SERINC5: variants seen among roughly 807,000 people sequenced by gnomAD.
SERINC5 encodes the protein chromosome 5 open reading frame 12.
Under a neutral mutation model 63.1 loss-of-function variants are expected in SERINC5, and 41 were observed. That is an observed-to-expected ratio of 0.65 (90% CI 0.51 to 0.84). The LOEUF is 0.84. SERINC5 is among the 40% of genes least tolerant of loss of function. SERINC5 has a pLI of 0.00. For synonymous variants in SERINC5, 222 were observed against 215.2 expected, an observed-to-expected ratio of 1.03 and a Z score of -0.28; for missense variants, 523 against 573.0, an observed-to-expected ratio of 0.91 and a Z score of 0.89.
At chr5:80,125,163 T>C (rs1341912061) in intron 11 of SERINC5, among the ~76,000 whole-genome samples, 1 of 152,186 alleles carries the variant, frequency 6.6e-6, no homozygotes, top group African/African-American at 2.4e-5. Context: ...CAATTGTACA[T>C]CACAACCTTA....
intron 9 of SERINC5, among the ~76,000 whole-genome samples, chr5:80,148,420 C>T (rs905722809): frequency 1.3e-5 from 2 of 151,778 alleles, no homozygotes; most frequent in Non-Finnish European, 2.9e-5. Flanking sequence ...GAACTCCAGG[C>T]CTCAGGTGAT....
At chr5:80,203,291 T>C (rs1749972632) in intron 1 of SERINC5, 2 of 171,206 alleles carry the variant, frequency 1.2e-5, no homozygotes, top group African/African-American at 4.9e-5. Flanking sequence ...TATTTATATA[T>C]ATTGAGACAG....
chr5:80,142,857 TG>T lies in SERINC5; in HGVS notation c.*805del. The stretch of plus-strand genomic sequence containing the variant: ...CTCCATTGCTTAGGCAGAGAAAACA[TG>T]AATCTTGTTCTATAATCATGTGAAT... On this transcript the variant is annotated 3_prime_UTR_variant, in exon 12 of 12. Coordinates refer to ENST00000507668, the MANE Select transcript of SERINC5 (RefSeq NM_001174072.3). The T allele has an allele frequency of 6.1e-6, 6 of 985,412 alleles. No homozygotes were observed. Among genetic ancestry groups the T allele is most frequent in the Non-Finnish European group, 7.2e-6 (6 of 829,922 alleles). 61.0% of individuals were successfully genotyped at this position (985,412 alleles called of 1,614,324 possible).
chr5:80,250,748 A>G (rs146096053), intron 1 of SERINC5, among the ~76,000 whole-genome samples: 167 of 152,310 alleles, frequency 1.1e-3, no homozygotes, highest in African/African-American at 4.0e-3. Context: ...CCCTGATAAG[A>G]CCCCTATTCC....
At chr5:80,158,210 A>C (rs1746661698) in intron 8 of SERINC5, 1 of 152,284 alleles carries the variant, frequency 6.6e-6, no homozygotes, top group Non-Finnish European at 1.5e-5. Flanking sequence ...CAACCTTTTA[A>C]ACCTTTTAAA....
rs75153821 is a variant in SERINC5, at chr5:80,212,555, G to C, written c.28-9502C>G. Among the ~76,000 whole-genome samples the C allele has an allele frequency of 4.0e-3, 600 of 151,230 alleles. 6 individuals carry two copies. Among genetic ancestry groups the C allele is most frequent in the African/African-American group, 0.013 (530 of 41,102 alleles). On this transcript the variant is annotated intron_variant, in intron 1 of 11. Coordinates refer to ENST00000507668, the MANE Select transcript of SERINC5 (RefSeq NM_001174072.3). ...GAGAGCAACATTCATTGAAATTCTG[G>C]ACCCAACAACCAACATTGTGTGGCT...
At position 80,232,945 on chromosome 5, in the gene SERINC5, C is replaced by T. The variant is rs572545736; in HGVS notation, c.27+22951G>A. On this transcript the variant is annotated intron_variant, in intron 1 of 11. Transcript: ENST00000507668. ...CCCATAGAGACAGCAAGTAGATTAA[C>T]AATTGCCAGGGCTCTGAGGGAGTTT... 6.8e-4 allele frequency among the ~76,000 whole-genome samples: 104 copies of T among 152,140 alleles called. 1 individual carries two copies. Among genetic ancestry groups the T allele is most frequent in the Non-Finnish European group, 7.3e-4 (50 of 68,036 alleles).
intron 1 of SERINC5, among the ~76,000 whole-genome samples, chr5:80,252,058 CTTT>C (rs3038416): frequency 0.016 from 1,691 of 103,374 alleles, 22 homozygotes; most frequent in African/African-American, 0.047. Context: ...TTTTCTTTTC[CTTT>C]TTTTTTTTTT....
chr5:80,130,474 T>C (rs1175440782), intron 11 of SERINC5, among the ~76,000 whole-genome samples: 1 of 152,214 alleles, frequency 6.6e-6, no homozygotes, highest in African/African-American at 2.4e-5. Context: ...GGCCAAGAGT[T>C]TGAGCCTGGG....
Position 80,138,992 on chromosome 5 carries a change from C to T in SERINC5, c.*4671G>A. The T allele has an allele frequency of 1.0e-6, 1 of 980,720 alleles. No homozygotes were observed. The highest frequency in any genetic ancestry group is 1.2e-6 in the Non-Finnish European group (1 of 825,776). The allele number at this position is 980,720 out of a possible 1,614,324, so 60.8% of individuals were successfully genotyped here. On this transcript the variant is annotated 3_prime_UTR_variant, in exon 12 of 12. Transcript: ENST00000507668. Reference sequence around the variant, plus strand: ...TTCAGATGCTTTCTAGAAAAATTAACATTAAAAAACAAATAGAAATCCATG... The same window carrying T: ...TTCAGATGCTTTCTAGAAAAATTAATATTAAAAAACAAATAGAAATCCATG...
At chr5:80,174,176 C>T (rs1375205135) in intron 5 of SERINC5, among the ~76,000 whole-genome samples, 1 of 151,768 alleles carries the variant, frequency 6.6e-6, no homozygotes, top group African/African-American at 2.4e-5. Flanking sequence ...GCCTGGGCGA[C>T]GTGGCGAAAT....
At chr5:80,230,473 C>T (rs35839767) in intron 1 of SERINC5, among the ~76,000 whole-genome samples, 42,210 of 130,240 alleles carry the variant, frequency 0.32, 6,858 homozygotes, top group Admixed American at 0.4. Context: ...GAAACCATTG[C>T]TCTTCAAATT....
In SERINC5 at chr5:80,229,021, CTTTTTTTTTTTTTTTTT is replaced by C. The variant is rs1166636996; in HGVS notation, c.28-25985_28-25969del. 1.6e-3 allele frequency among the ~76,000 whole-genome samples: 136 copies of C among 86,080 alleles called. 17 individuals carry two copies. Among genetic ancestry groups the C allele is most frequent in the African/African-American group, 5.1e-3 (121 of 23,572 alleles). The allele number at this position is 86,080 out of a possible 152,430, so 56.5% of individuals were successfully genotyped here. On this transcript the variant is annotated intron_variant, in intron 1 of 11. Coordinates refer to ENST00000507668, the MANE Select transcript of SERINC5 (RefSeq NM_001174072.3). The stretch of plus-strand genomic sequence containing the variant: ...AAAATACCACCAATGTTTTACATAC[CTTTTTTTTTTTTTTTTT>C]TTTTTTTTTTTTGGGGATGGAGTTG...
At chr5:80,159,056 G>T in intron 7 of SERINC5, 94 bp from the exon 8 acceptor site, 2 of 1,277,880 alleles carry the variant, frequency 1.6e-6, no homozygotes, top group Non-Finnish European at 1.1e-6. Context: ...GGTAGCTGTG[G>T]TGTACCTCCT....
chr5:80,111,913 G>T (rs1177595534), intron 12 of SERINC5, among the ~76,000 whole-genome samples: 1 of 152,204 alleles, frequency 6.6e-6, no homozygotes, highest in South Asian at 2.1e-4. Flanking sequence ...GGCTGTGCAG[G>T]ATGTGCCTTG....
intron 1 of SERINC5, among the ~76,000 whole-genome samples, chr5:80,249,667 T>A (rs940387733): frequency 3.3e-5 from 5 of 151,948 alleles, no homozygotes; most frequent in African/African-American, 9.7e-5. Flanking sequence ...CTGGGCGTGG[T>A]GGCGGGCACC....
At chr5:80,249,362 A>G (rs115816212) in intron 1 of SERINC5, among the ~76,000 whole-genome samples, 1 of 152,130 alleles carries the variant, frequency 6.6e-6, no homozygotes, top group Non-Finnish European at 1.5e-5. Context: ...GACTATCTAC[A>G]TATGAATGTA....
intron 2 of SERINC5, among the ~76,000 whole-genome samples, chr5:80,202,424 T>A (rs897417701): frequency 6.6e-6 from 1 of 152,002 alleles, no homozygotes; most frequent in Non-Finnish European, 1.5e-5. Flanking sequence ...TGTCCAATGA[T>A]GGACAATGAT....
chr5:80,158,723 T>C (rs1032587705), intron 8 of SERINC5, 113 bp downstream of exon 8: 1 of 1,003,358 alleles, frequency 1.0e-6, no homozygotes, highest in Non-Finnish European at 1.5e-6. Flanking sequence ...CTTGTGGTTA[T>C]TTTCCCCCCT....
Sources: allele counts gnomAD v4.1 joint callset (sites outside exome capture counted in the v4.1 genomes callset), GRCh38; gene constraint gnomAD v4.1.1; transcripts MANE v1.5; gene names NCBI Gene and HGNC (gene_info 2026-07-23, HGNC 2026-07-21).